Variants in NOS1AP observed in about 807,000 individuals in gnomAD.
NOS1AP encodes the protein carboxyl-terminal PDZ ligand of neuronal nitric oxide synthase protein.
Under a neutral mutation model 56.2 loss-of-function variants are expected in NOS1AP, and 21 were observed. That is an observed-to-expected ratio of 0.37 (90% CI 0.26 to 0.54). The LOEUF (loss-of-function observed/expected upper bound fraction) is 0.54. Ranked by LOEUF, NOS1AP falls within the 20% of genes least tolerant of loss-of-function variation. NOS1AP has a pLI of 0.84. For synonymous variants in NOS1AP, 270 were observed against 274.6 expected, an observed-to-expected ratio of 0.98 and a Z score of 0.17; for missense variants, 522 against 657.8, an observed-to-expected ratio of 0.79 and a Z score of 2.26.
chr1:162,253,519 A>G (rs1653934486), intron 2 of NOS1AP, among the ~76,000 whole-genome samples: 1 of 152,192 alleles, frequency 6.6e-6, no homozygotes, highest in Non-Finnish European at 1.5e-5. Context: ...TGAGGAAAAA[A>G]GCTCTCACTT....
At chr1:162,270,529 G>T (rs1278531700) in intron 2 of NOS1AP, among the ~76,000 whole-genome samples, 1 of 152,192 alleles carries the variant, frequency 6.6e-6, no homozygotes, top group Non-Finnish European at 1.5e-5. Flanking sequence ...CTTTCAAGCT[G>T]TGGTAGTCAG....
intron 2 of NOS1AP, among the ~76,000 whole-genome samples, chr1:162,277,046 G>A (rs186282349): frequency 1.6e-4 from 25 of 152,244 alleles, no homozygotes; most frequent in Admixed American, 2.6e-4. Flanking sequence ...TCAAAGTGTG[G>A]TCTGTGGACC....
At chr1:162,098,971 C>G (rs1692312325) in intron 1 of NOS1AP, among the ~76,000 whole-genome samples, 1 of 152,164 alleles carries the variant, frequency 6.6e-6, no homozygotes, top group African/African-American at 2.4e-5. Context: ...CTGCAGTGAA[C>G]ATATGTGTGT....
intron 1 of NOS1AP, among the ~76,000 whole-genome samples, chr1:162,152,811 G>A (rs569086430): frequency 6.6e-6 from 1 of 152,208 alleles, no homozygotes; most frequent in Admixed American, 6.5e-5. Context: ...TCCAAATTTC[G>A]GGAAAAACTT....
intron 1 of NOS1AP, among the ~76,000 whole-genome samples, chr1:162,122,534 G>A (rs1648282633): frequency 6.7e-6 from 1 of 149,898 alleles, no homozygotes; most frequent in Non-Finnish European, 1.5e-5. Context: ...TTGAGACAAG[G>A]TCTGGCTCTG....
intron 4 of NOS1AP, among the ~76,000 whole-genome samples, chr1:162,320,594 G>A (rs1279708301): frequency 6.6e-6 from 1 of 152,122 alleles, no homozygotes; most frequent in African/African-American, 2.4e-5. Context: ...GGTGGCTCAC[G>A]CCTGTAATCC....
intron 2 of NOS1AP, among the ~76,000 whole-genome samples, chr1:162,271,552 C>A (rs181167360): frequency 1.4e-3 from 208 of 152,298 alleles, no homozygotes; most frequent in African/African-American, 4.4e-3. Context: ...GAAGAGTAGG[C>A]AGCCTTTGAA....
chr1:162,185,644 A>G (rs1243114508), intron 2 of NOS1AP, among the ~76,000 whole-genome samples: 3 of 152,240 alleles, frequency 2.0e-5, no homozygotes, highest in African/African-American at 7.2e-5. Context: ...TTCCGTAGGA[A>G]TGAGCATTCT....
intron 2 of NOS1AP, among the ~76,000 whole-genome samples, chr1:162,214,398 T>C (rs1652477999): frequency 1.3e-5 from 2 of 151,950 alleles, no homozygotes; most frequent in African/African-American, 4.8e-5. Context: ...AGGCTCACAG[T>C]CTGGTTGGAG....
At chr1:162,202,899 A>G (rs10800352) in intron 2 of NOS1AP, among the ~76,000 whole-genome samples, 40,641 of 152,002 alleles carry the variant, frequency 0.27, 5,664 homozygotes, top group East Asian at 0.39. Flanking sequence ...GTATGCTTGG[A>G]TACAGGGGCT....
At chr1:162,352,624 G>A (rs548789389) in intron 6 of NOS1AP, among the ~76,000 whole-genome samples, 1 of 152,164 alleles carries the variant, frequency 6.6e-6, no homozygotes. Context: ...AGCCAATTTG[G>A]TTCCTGGTGA....
At chr1:162,117,267 A>G (rs765223585) in intron 1 of NOS1AP, among the ~76,000 whole-genome samples, 1 of 152,144 alleles carries the variant, frequency 6.6e-6, no homozygotes, top group Non-Finnish European at 1.5e-5. Context: ...TCTTTATCAG[A>G]TTAATGTCAG....
chr1:162,137,587 A>G (rs1219359107), intron 1 of NOS1AP, among the ~76,000 whole-genome samples: 2 of 152,032 alleles, frequency 1.3e-5, no homozygotes, highest in African/African-American at 4.8e-5. Flanking sequence ...AGAAATCTGT[A>G]TGTGAGGATC....
intron 2 of NOS1AP, among the ~76,000 whole-genome samples, chr1:162,233,471 A>G (rs1557842312): frequency 6.6e-6 from 1 of 151,848 alleles, no homozygotes; most frequent in African/African-American, 2.4e-5. Context: ...CAAAATCAAT[A>G]GTGTACAGTT....
Position 162,161,556 on chromosome 1 carries a change from G to C in NOS1AP, c.177+7080G>C, listed in dbSNP as rs943787202. 2.0e-5 allele frequency among the ~76,000 whole-genome samples: 3 copies of C among 152,174 alleles called. 1 individual carries two copies. Among genetic ancestry groups the C allele is most frequent in the African/African-American group, 7.2e-5 (3 of 41,436 alleles). ...TGCAGCATACTGAGTGAAGTGCCTA[G>C]CATGTGGATTATGAACCATAAATAA... On this transcript the variant is annotated intron_variant, in intron 2 of 9. Coordinates refer to ENST00000361897, the MANE Select transcript of NOS1AP (RefSeq NM_014697.3).
chr1:162,269,776 T>C (rs1311949854), intron 2 of NOS1AP, among the ~76,000 whole-genome samples: 1 of 152,194 alleles, frequency 6.6e-6, no homozygotes, highest in Non-Finnish European at 1.5e-5. Flanking sequence ...TTTTTTCAAT[T>C]TCCTTTTGAA....
At chr1:162,272,193 C>T (rs950980693) in intron 2 of NOS1AP, among the ~76,000 whole-genome samples, 7 of 152,186 alleles carry the variant, frequency 4.6e-5, no homozygotes, top group Non-Finnish European at 1.0e-4. Context: ...ATGCGGGGCC[C>T]ACCCTCTTGA....
chr1:162,295,958 A>T (rs1655443488), intron 3 of NOS1AP, among the ~76,000 whole-genome samples: 1 of 150,096 alleles, frequency 6.7e-6, no homozygotes, highest in Non-Finnish European at 1.5e-5. Context: ...AAGTTCTTGG[A>T]CTATCATTCA....
At chr1:162,253,516 A>G (rs545766272) in intron 2 of NOS1AP, among the ~76,000 whole-genome samples, 1 of 152,326 alleles carries the variant, frequency 6.6e-6, no homozygotes, top group South Asian at 2.1e-4. Context: ...AAATGAGGAA[A>G]AAAGCTCTCA....
Sources: allele counts gnomAD v4.1 joint callset (sites outside exome capture counted in the v4.1 genomes callset), GRCh38; gene constraint gnomAD v4.1.1; transcripts MANE v1.5; gene names NCBI Gene and HGNC (gene_info 2026-07-23, HGNC 2026-07-21).